Variants in MAML2 observed in about 807,000 individuals in gnomAD.
MAML2 encodes the protein mastermind like transcriptional coactivator 2, also known as mastermind-like protein 2.
Under a neutral mutation model 96.1 loss-of-function variants are expected in MAML2, and 22 were observed. The ratio of observed to expected loss-of-function variants is 0.23; its 90% CI spans 0.16 to 0.33. The LOEUF (loss-of-function observed/expected upper bound fraction) is 0.33. Among genes scored for constraint, MAML2 ranks in the 10% least tolerant of loss-of-function variants. MAML2 has a pLI of 1.00. For missense variants in MAML2, 1,367 were observed against 1,392.4 expected, an observed-to-expected ratio of 0.98 and a Z score of 0.29; for synonymous variants, 561 against 521.3, an observed-to-expected ratio of 1.08 and a Z score of -1.04.
chr11:96,002,618 TGG>T (rs1858099294), intron 2 of MAML2, among the ~76,000 whole-genome samples: 1 of 130,524 alleles, frequency 7.7e-6, no homozygotes, highest in African/African-American at 3.0e-5. Context: ...ATGAGGAGGA[TGG>T]AGATGATGAT....
chr11:96,104,046 A>G (rs1376300322), intron 1 of MAML2, among the ~76,000 whole-genome samples: 1 of 152,226 alleles, frequency 6.6e-6, no homozygotes, highest in Non-Finnish European at 1.5e-5. Flanking sequence ...TGACCCTCAC[A>G]GAGATATTCC....
chr11:95,998,174 G>GTCTATCTATCTA (rs1554993560), intron 2 of MAML2, among the ~76,000 whole-genome samples: 3 of 147,716 alleles, frequency 2.0e-5, no homozygotes, highest in Admixed American at 6.8e-5. Flanking sequence ...CTGTCTGTCT[G>GTCTATCTATCTA]TCTATCTATC....
chr11:96,110,895 C>T (rs555782233), intron 1 of MAML2, among the ~76,000 whole-genome samples: 4 of 152,256 alleles, frequency 2.6e-5, no homozygotes, highest in South Asian at 2.1e-4. Flanking sequence ...TGGGTCTAAT[C>T]GCTTGTTAAA....
At position 96,091,874 on chromosome 11, in the gene MAML2, G is replaced by C. The variant is rs1252870561; in HGVS notation, c.2139+18C>G. On this transcript the variant is annotated intron_variant, in intron 2 of 4. Transcript: ENST00000524717. ...ATGGTCTCTGGGAACTCTGTATTTG[G>C]AGTAGTAGAGCCCTTACCTGTCTCT... is the stretch of plus-strand genomic sequence containing the variant. The C allele has an allele frequency of 1.2e-6, 2 of 1,605,406 alleles. No homozygotes were observed. The highest frequency in any genetic ancestry group is 2.2e-5 in the East Asian group (1 of 44,834).
At chr11:96,154,234 G>C (rs1860975203) in intron 1 of MAML2, among the ~76,000 whole-genome samples, 1 of 152,174 alleles carries the variant, frequency 6.6e-6, no homozygotes, top group Non-Finnish European at 1.5e-5. Flanking sequence ...GGTGGGGCCT[G>C]AGAATTTGCA....
intron 1 of MAML2, among the ~76,000 whole-genome samples, chr11:96,214,475 CT>C (rs1261999835): frequency 6.6e-6 from 1 of 152,138 alleles, no homozygotes; most frequent in Admixed American, 6.5e-5. Context: ...TCTCTAGAAC[CT>C]TTAGTTCTCA....
intron 1 of MAML2, among the ~76,000 whole-genome samples, chr11:96,148,771 C>T (rs1476932543): frequency 6.6e-6 from 1 of 151,198 alleles, no homozygotes; most frequent in Non-Finnish European, 1.5e-5. Context: ...ATGAGAAAGA[C>T]AGACAGCACA....
intron 1 of MAML2, among the ~76,000 whole-genome samples, chr11:96,151,824 C>A (rs1158732129): frequency 6.6e-6 from 1 of 152,206 alleles, no homozygotes; most frequent in Non-Finnish European, 1.5e-5. Flanking sequence ...TTATAAATTA[C>A]TCAGTCTCAG....
chr11:96,222,346 A>C (rs1862152259), intron 1 of MAML2, among the ~76,000 whole-genome samples: 1 of 152,130 alleles, frequency 6.6e-6, no homozygotes, highest in African/African-American at 2.4e-5. Flanking sequence ...CTGAACACTC[A>C]CTGTTGTCAG....
At chr11:96,237,962 G>C (rs771244377) in intron 1 of MAML2, among the ~76,000 whole-genome samples, 1 of 152,190 alleles carries the variant, frequency 6.6e-6, no homozygotes, top group East Asian at 1.9e-4. Context: ...TTGAAAAATT[G>C]CTCAATATTC....
At chr11:96,122,044 T>A (rs1407780499) in intron 1 of MAML2, among the ~76,000 whole-genome samples, 1 of 135,858 alleles carries the variant, frequency 7.4e-6, no homozygotes, top group East Asian at 2.4e-4. Context: ...TCTCTTGACC[T>A]CGTGATCCGC....
intron 1 of MAML2, among the ~76,000 whole-genome samples, chr11:96,174,017 C>T (rs1018280652): frequency 2.0e-5 from 3 of 152,170 alleles, no homozygotes; most frequent in Non-Finnish European, 2.9e-5. Flanking sequence ...AACATTTAAG[C>T]AGCAATGACT....
At chr11:96,041,133 C>A (rs1459950360) in intron 2 of MAML2, among the ~76,000 whole-genome samples, 2 of 151,980 alleles carry the variant, frequency 1.3e-5, no homozygotes, top group African/African-American at 4.8e-5. Flanking sequence ...ACATTCTGAA[C>A]ACATGGATTT....
At chr11:96,311,387 T>G (rs1032740348) in intron 1 of MAML2, among the ~76,000 whole-genome samples, 1 of 152,220 alleles carries the variant, frequency 6.6e-6, no homozygotes, top group Non-Finnish European at 1.5e-5. Flanking sequence ...GCAAAGCATC[T>G]TATAAAATCA....
Position 96,145,390 on chromosome 11 carries a change from C to A in MAML2, c.514-51873G>T, listed in dbSNP as rs561664787. Among the ~76,000 whole-genome samples, 5 of 152,344 alleles carry A rather than the reference C, an allele frequency of 3.3e-5. No individual in the cohort carries two copies. In the East Asian group the frequency reaches 7.7e-4, roughly 23 times the overall value. Reference sequence around the variant, plus strand: ...CTCTCTATCTCTGCAAAAATCTCTACAGAAACATTTTTCTCTTTACTCTGC... The same window carrying A: ...CTCTCTATCTCTGCAAAAATCTCTAAAGAAACATTTTTCTCTTTACTCTGC... On this transcript the variant is annotated intron_variant, in intron 1 of 4. Coordinates refer to ENST00000524717, the MANE Select transcript of MAML2 (RefSeq NM_032427.4).
intron 1 of MAML2, among the ~76,000 whole-genome samples, chr11:96,313,990 C>A (rs552734): frequency 0.34 from 51,851 of 152,000 alleles, 8,772 homozygotes; most frequent in African/African-American, 0.36. Context: ...AGTAGGAGCA[C>A]AGTAATTCAT....
chr11:96,013,139 G>A (rs1201798923), intron 2 of MAML2, among the ~76,000 whole-genome samples: 1 of 152,230 alleles, frequency 6.6e-6, no homozygotes, highest in East Asian at 1.9e-4. Context: ...TTTCTGAGAG[G>A]TGAGGGGCAA....
At chr11:96,082,914 C>T (rs762764509) in intron 2 of MAML2, among the ~76,000 whole-genome samples, 2 of 152,092 alleles carry the variant, frequency 1.3e-5, no homozygotes, top group African/African-American at 2.4e-5. Flanking sequence ...TGGTTCAAAA[C>T]GGGGCTCAAA....
intron 1 of MAML2, among the ~76,000 whole-genome samples, chr11:96,181,394 C>T (rs894475381): frequency 5.5e-5 from 8 of 146,406 alleles, no homozygotes; most frequent in African/African-American, 1.8e-4. Flanking sequence ...CTCTCCAGAT[C>T]GAGACTATTT....
Sources: gnomAD v4.1 joint callset for allele counts (sites outside exome capture counted in the v4.1 genomes callset) on GRCh38, gnomAD v4.1.1 for gene constraint, MANE v1.5 for transcripts, NCBI Gene and HGNC (gene_info 2026-07-23, HGNC 2026-07-21) for gene names.